The following MNAT1 variants were observed in gnomAD, a reference collection of about 807,000 sequenced individuals.
MNAT1 encodes CDK-activating kinase assembly factor MAT1.
MNAT1 carries 43 observed loss-of-function variants against 42.0 expected under a neutral mutation model. That is an observed-to-expected ratio of 1.02 (90% CI 0.80 to 1.32). The LOEUF is 1.32. Ranked by LOEUF, MNAT1 falls within the 40% of genes most tolerant of loss-of-function variation. The pLI is 0.00. For missense variants in MNAT1, 306 were observed against 350.4 expected (o/e 0.87, Z 1.01); for synonymous variants, 118 against 120.0 (o/e 0.98, Z 0.11).
At chr14:60,767,966 A>T (rs554368862) in intron 1 of MNAT1, among the ~76,000 whole-genome samples, 1 of 152,078 alleles carries the variant, frequency 6.6e-6, no homozygotes, top group Non-Finnish European at 1.5e-5. Context: ...GGGTTTCACC[A>T]TGTTGGTCAG....
At chr14:60,910,760 C>CA (rs1194519904) in intron 7 of MNAT1, among the ~76,000 whole-genome samples, 9 of 152,060 alleles carry the variant, frequency 5.9e-5, no homozygotes, top group African/African-American at 9.7e-5. Flanking sequence ...CATCAATGTT[C>CA]TCAAGGATAT....
chr14:60,950,900 G>T (rs935694455), intron 7 of MNAT1, among the ~76,000 whole-genome samples: 3 of 152,106 alleles, frequency 2.0e-5, no homozygotes, highest in African/African-American at 7.2e-5. Flanking sequence ...TAGAAGTTAG[G>T]ATGATTTTTT....
At chr14:60,897,038 A>T (rs999728630) in intron 7 of MNAT1, among the ~76,000 whole-genome samples, 1 of 152,208 alleles carries the variant, frequency 6.6e-6, no homozygotes, top group African/African-American at 2.4e-5. Context: ...GATTTTAAAC[A>T]TTTATAATTT....
intron 7 of MNAT1, among the ~76,000 whole-genome samples, chr14:60,934,449 C>T (rs1311090249): frequency 1.3e-5 from 2 of 152,070 alleles, no homozygotes; most frequent in East Asian, 1.9e-4. Flanking sequence ...TTCCATGTGT[C>T]GTGGGAGGGA....
At chr14:60,923,136 T>C (rs1421932600) in intron 7 of MNAT1, among the ~76,000 whole-genome samples, 1 of 152,208 alleles carries the variant, frequency 6.6e-6, no homozygotes, top group Non-Finnish European at 1.5e-5. Flanking sequence ...TTTTTATTCC[T>C]GTCTCAAAGG....
intron 7 of MNAT1, among the ~76,000 whole-genome samples, chr14:60,930,916 T>C (rs559092543): frequency 4.2e-4 from 64 of 152,296 alleles, no homozygotes; most frequent in African/African-American, 1.5e-3. Context: ...GCTATCTCAG[T>C]AACTAGGCTC....
intron 7 of MNAT1, among the ~76,000 whole-genome samples, chr14:60,893,591 A>G (rs565371714): frequency 1.3e-5 from 2 of 152,272 alleles, no homozygotes; most frequent in African/African-American, 2.4e-5. Context: ...AGAGCTGAGT[A>G]TTCTGTATTT....
intron 7 of MNAT1, among the ~76,000 whole-genome samples, chr14:60,885,733 T>A (rs116199756): frequency 0.01 from 1,573 of 152,152 alleles, 33 homozygotes; most frequent in African/African-American, 0.036. Context: ...TTTCATTTTG[T>A]TGTTTATTTC....
chr14:60,912,607 C>A (rs2035397806), intron 7 of MNAT1, among the ~76,000 whole-genome samples: 1 of 152,140 alleles, frequency 6.6e-6, no homozygotes, highest in African/African-American at 2.4e-5. Flanking sequence ...ATATTAAATT[C>A]TGGGTTGAAA....
intron 5 of MNAT1, among the ~76,000 whole-genome samples, chr14:60,815,554 C>T (rs1468349804): frequency 6.6e-6 from 1 of 152,172 alleles, no homozygotes; most frequent in South Asian, 2.1e-4. Context: ...TTTGCTGCCT[C>T]ATTGAGCTGC....
intron 1 of MNAT1, chr14:60,753,421 A>G (rs2030191077): frequency 6.6e-6 from 1 of 152,342 alleles, no homozygotes; most frequent in Admixed American, 6.5e-5. Flanking sequence ...AAGCTCACTC[A>G]TGTGGTTTTT....
At chr14:60,771,707 T>A (rs1184106739) in intron 1 of MNAT1, among the ~76,000 whole-genome samples, 1 of 152,192 alleles carries the variant, frequency 6.6e-6, no homozygotes, top group Non-Finnish European at 1.5e-5. Context: ...CTACATTTTC[T>A]TCTTTCCCTA....
At chr14:60,759,539 A>G (rs982811147) in intron 1 of MNAT1, among the ~76,000 whole-genome samples, 1 of 152,216 alleles carries the variant, frequency 6.6e-6, no homozygotes, top group Non-Finnish European at 1.5e-5. Flanking sequence ...TCTCAACAGC[A>G]TGGAGTTGAT....
At position 60,884,112 on chromosome 14, in the gene MNAT1, C is replaced by T. The variant is rs113781384; in HGVS notation, c.809+4277C>T. 1.0e-3 allele frequency among the ~76,000 whole-genome samples: 155 copies of T among 152,010 alleles called. 1 individual carries two copies. The highest frequency in any genetic ancestry group is 6.8e-3 in the Middle Eastern group (2 of 294). ...GGACTGCCAGTTCTGTGTTGAATAG[C>T]AGTGGTGATAGTGGGCATTCTTGCT... On this transcript the variant is annotated intron_variant, in intron 7 of 7. Transcript: ENST00000261245.
At chr14:60,931,451 G>C (rs536189279) in intron 7 of MNAT1, among the ~76,000 whole-genome samples, 1 of 152,286 alleles carries the variant, frequency 6.6e-6, no homozygotes, top group East Asian at 1.9e-4. Flanking sequence ...TGCTGCCAGA[G>C]AGTATGTGCA....
At chr14:60,950,545 A>G (rs958604213) in intron 7 of MNAT1, among the ~76,000 whole-genome samples, 2 of 152,210 alleles carry the variant, frequency 1.3e-5, no homozygotes, top group Admixed American at 1.3e-4. Flanking sequence ...ACAGCTTTGA[A>G]TGCAGCCCAA....
intron 6 of MNAT1, among the ~76,000 whole-genome samples, chr14:60,822,769 G>A (rs1228180831): frequency 6.6e-6 from 1 of 151,400 alleles, no homozygotes; most frequent in Admixed American, 6.6e-5. Context: ...TTTTTATTTT[G>A]TTTTTGAGAT....
chr14:60,956,183 G>A (rs999505573), intron 7 of MNAT1, among the ~76,000 whole-genome samples: 3 of 151,982 alleles, frequency 2.0e-5, no homozygotes, highest in Non-Finnish European at 2.9e-5. Flanking sequence ...AAATTTTGGT[G>A]TGTTATGTTT....
chr14:60,874,720 C>T (rs935804530), intron 6 of MNAT1, among the ~76,000 whole-genome samples: 3 of 152,104 alleles, frequency 2.0e-5, no homozygotes, highest in African/African-American at 4.8e-5. Context: ...TTTGAATCCT[C>T]CTTTTTCTGA....
Sources: gnomAD v4.1 joint callset for allele counts (sites outside exome capture counted in the v4.1 genomes callset) on GRCh38, gnomAD v4.1.1 for gene constraint, MANE v1.5 for transcripts, NCBI Gene and HGNC (gene_info 2026-07-23, HGNC 2026-07-21) for gene names.